GTPBP4: variants seen among roughly 807,000 people sequenced by gnomAD.
GTPBP4 encodes GTP binding protein 4, also known as GTP-binding protein 4.
Under a neutral mutation model 81.7 loss-of-function variants are expected in GTPBP4, and 15 were observed. The ratio of observed to expected loss-of-function variants is 0.18; its 90% CI spans 0.12 to 0.28. GTPBP4 has a LOEUF of 0.28. GTPBP4 is among the 10% of genes least tolerant of loss of function. GTPBP4 has a pLI of 1.00. For synonymous variants in GTPBP4, 272 were observed against 274.6 expected (o/e 0.99, Z 0.09); for missense variants, 847 against 793.8 (o/e 1.07, Z -0.81).
chr10:995,081 A>G (rs1831514541), intron 2 of GTPBP4, among the ~76,000 whole-genome samples: 1 of 152,196 alleles, frequency 6.6e-6, no homozygotes, highest in Non-Finnish European at 1.5e-5. Context: ...TGGAGGTGGT[A>G]GTCAAGGGTC....
chr10:1,007,340 G>T, intron 10 of GTPBP4: 1 of 486,868 alleles, frequency 2.1e-6, no homozygotes, highest in South Asian at 3.1e-5. Context: ...TGCATGACGT[G>T]GTCACTGTTA....
At chr10:1,016,879 G>T (rs563477478) in intron 16 of GTPBP4, among the ~76,000 whole-genome samples, 196 bp from the exon 17 acceptor site, 1 of 142,654 alleles carries the variant, frequency 7.0e-6, no homozygotes, top group South Asian at 2.2e-4. Context: ...TGTAACAGGG[G>T]TAACTGTGCT....
chr10:1,002,783 A>G (rs1169939682), intron 8 of GTPBP4, among the ~76,000 whole-genome samples: 5 of 152,084 alleles, frequency 3.3e-5, no homozygotes, highest in Non-Finnish European at 7.4e-5. Context: ...ATCTGCTGTT[A>G]GTCTAATGGG....
intron 2 of GTPBP4, among the ~76,000 whole-genome samples, chr10:995,237 G>A (rs1831517233): frequency 6.6e-6 from 1 of 152,226 alleles, no homozygotes; most frequent in African/African-American, 2.4e-5. Flanking sequence ...GAGCATGAAT[G>A]TTTGGGGTAG....
At chr10:992,439 C>G (rs750003447) in intron 1 of GTPBP4, 50 bp from the exon 2 acceptor site, 7 of 1,123,086 alleles carry the variant, frequency 6.2e-6, no homozygotes, top group Non-Finnish European at 9.2e-6. Context: ...ATAAATGGCT[C>G]AAAAGTAGAC....
At chr10:992,399 CAAAAAAAA>C (rs545128429) in intron 1 of GTPBP4, 82 bp from the exon 2 acceptor site, 1 of 486,508 alleles carries the variant, frequency 2.1e-6, no homozygotes, top group Non-Finnish European at 3.3e-6. Context: ...GACTCTGTCT[CAAAAAAAA>C]AAAAAAAAAG....
chr10:988,611 G>A (rs1589020173), intron 1 of GTPBP4, 84 bp downstream of exon 1: 3 of 1,053,450 alleles, frequency 2.8e-6, no homozygotes, highest in Non-Finnish European at 4.4e-6. Context: ...GTAGCCGTGG[G>A]AGAGCGGTCG....
Position 1,013,682 on chromosome 10 carries a change from G to T in GTPBP4, c.1543-565G>T, listed in dbSNP as rs192800671. ...AGAAACCTGACGCAGTCTACAAAAG[G>T]CAATTTATTGGCTCTGTGGCAGGGT... On this transcript the variant is annotated intron_variant, in intron 14 of 16. Transcript: ENST00000360803. Among the ~76,000 whole-genome samples, 100 of 152,252 alleles carry T rather than the reference G, an allele frequency of 6.6e-4. 4 individuals carry two copies. In the East Asian group the frequency reaches 0.019, roughly 29 times the overall value.
chr10:994,928 C>T (rs1197394955), intron 2 of GTPBP4, among the ~76,000 whole-genome samples: 1 of 152,122 alleles, frequency 6.6e-6, no homozygotes, highest in Non-Finnish European at 1.5e-5. Flanking sequence ...AATAGCATGT[C>T]AGATGAATGC....
At chr10:1,001,625 T>G (rs1015485647) in intron 8 of GTPBP4, among the ~76,000 whole-genome samples, 1 of 151,926 alleles carries the variant, frequency 6.6e-6, no homozygotes, top group Non-Finnish European at 1.5e-5. Flanking sequence ...ATTTCTTCCT[T>G]AATTTCCTCA....
intron 8 of GTPBP4, among the ~76,000 whole-genome samples, chr10:1,004,006 A>G (rs1053203202): frequency 6.6e-6 from 1 of 152,062 alleles, no homozygotes; most frequent in Non-Finnish European, 1.5e-5. Flanking sequence ...TAGCAGCTTA[A>G]GCCCACAGGG....
chr10:1,012,107 G>T (rs1831888604), intron 13 of GTPBP4, among the ~76,000 whole-genome samples: 1 of 152,226 alleles, frequency 6.6e-6, no homozygotes, highest in African/African-American at 2.4e-5. Flanking sequence ...GTGGGATGTG[G>T]CACGAAATCA....
intron 7 of GTPBP4, 28 bp downstream of exon 7, chr10:1,000,896 C>T: frequency 6.2e-7 from 1 of 1,608,948 alleles, no homozygotes. Flanking sequence ...TGTTTTGCTT[C>T]ATATCCTGCA....
chr10:1,019,256 A>G lies in GTPBP4; in HGVS notation c.*2029A>G. 1 of 373,118 alleles carries G rather than the reference A, an allele frequency of 2.7e-6. No individual in the cohort carries two copies. The highest frequency in any genetic ancestry group is 4.8e-6 in the Non-Finnish European group (1 of 206,938). The allele number at this position is 373,118 out of a possible 1,614,324, so 23.1% of individuals were successfully genotyped here. A position where few individuals can be genotyped will look rare whatever the true frequency, so the allele number is the denominator to read the frequency against. On this transcript the variant is annotated 3_prime_UTR_variant, in exon 17 of 17. Transcript: ENST00000360803. ...AGGATCAGCTGCTGTTAATCAAACAAGTGCTTATAAAATGGAAATTGGGAC... is the reference window on the plus strand; with the variant it reads ...AGGATCAGCTGCTGTTAATCAAACAGGTGCTTATAAAATGGAAATTGGGAC...
intron 16 of GTPBP4, 97 bp downstream of exon 16, chr10:1,015,993 C>A: frequency 1.8e-6 from 2 of 1,104,214 alleles, no homozygotes; most frequent in Non-Finnish European, 2.7e-6. Flanking sequence ...TTTGCAGGAA[C>A]TATGGCAGGG....
chr10:1,010,517 G>T lies in GTPBP4; in HGVS notation c.1341G>T (p.Met447Ile), dbSNP rs143157410. Reference protein sequence around the residue: ...NIADYIDPAIMKKLEELEKEE... With the variant: ...NIADYIDPAIIKKLEELEKEE... ...CTGATTATATTGATCCAGCCATCAT[G>T]AAGGTTTGTGTCACTTTTTAAATTG... The change falls in exon 13 of 17, where the codon ATG becomes ATT. Residue 447 changes from methionine to isoleucine, a missense_variant. Around this residue, in one of 3 missense-constraint regions of GTPBP4, gnomAD observed 600 missense variants for 557.1 expected, o/e 1.08. Coordinates refer to ENST00000360803, the MANE Select transcript of GTPBP4 (RefSeq NM_012341.3). 60 of 1,467,274 alleles carry T rather than the reference G, an allele frequency of 4.1e-5. No homozygotes were observed. Among genetic ancestry groups the T allele is most frequent in the Non-Finnish European group, 3.6e-5 (38 of 1,046,054 alleles). 90.9% of individuals were successfully genotyped at this position (1,467,274 alleles called of 1,614,324 possible).
At position 988,690 on chromosome 10, in the gene GTPBP4, C is replaced by A. The variant is rs540514442; in HGVS notation, c.48+163C>A. 1.9e-5 allele frequency: 12 copies of A among 618,296 alleles called. No individual in the cohort carries two copies. The Middle Eastern group carries it at 1.3e-3, about 66-fold the overall frequency. The allele number at this position is 618,296 out of a possible 1,614,324, so 38.3% of individuals were successfully genotyped here. ...CCGCGTACTCGGGATCATTTCCCCTCCCCCAGCAGAATCCGGGGTCCACCA... is the reference window on the plus strand; with the variant it reads ...CCGCGTACTCGGGATCATTTCCCCTACCCCAGCAGAATCCGGGGTCCACCA... On this transcript the variant is annotated intron_variant, in intron 1 of 16. Coordinates refer to ENST00000360803, the MANE Select transcript of GTPBP4 (RefSeq NM_012341.3).
intron 9 of GTPBP4, among the ~76,000 whole-genome samples, chr10:1,006,337 T>G (rs544223447): frequency 6.6e-6 from 1 of 152,184 alleles, no homozygotes; most frequent in Non-Finnish European, 1.5e-5. Context: ...TGTTTTTATC[T>G]CAAATAAAAG....
In GTPBP4 at chr10:1,007,227, G is replaced by A. The variant is rs1473067605; in HGVS notation, c.1113+99G>A. The A allele has an allele frequency of 1.9e-5, 13 of 685,220 alleles. No individual in the cohort carries two copies. In the Middle Eastern group the frequency reaches 1.1e-3, roughly 59 times the overall value. The allele number at this position is 685,220 out of a possible 1,614,324, so 42.4% of individuals were successfully genotyped here. A position where few individuals can be genotyped will look rare whatever the true frequency, so the allele number is the denominator to read the frequency against. ...GCCTCCCATCCAGCTTCACACACTC[G>A]CAGGTGGATATTGTGGGTGGGCCTC... On this transcript the variant is annotated intron_variant, in intron 10 of 16. Coordinates refer to ENST00000360803, the MANE Select transcript of GTPBP4 (RefSeq NM_012341.3).
Sources: gnomAD v4.1 joint callset for allele counts (sites outside exome capture counted in the v4.1 genomes callset) on GRCh38, gnomAD v4.1.1 for gene constraint, gnomAD v4.1.1 regional missense constraint, MANE v1.5 for transcripts, NCBI Gene and HGNC (gene_info 2026-07-23, HGNC 2026-07-21) for gene names.